Variants in VEGFC observed in about 807,000 individuals in gnomAD.
VEGFC encodes the protein vascular endothelial growth factor C.
VEGFC carries 12 observed loss-of-function variants against 46.1 expected under a neutral mutation model. The ratio of observed to expected loss-of-function variants is 0.26; its 90% CI spans 0.17 to 0.42. VEGFC has a LOEUF of 0.42. VEGFC is among the 10% of genes least tolerant of loss of function. VEGFC has a pLI of 1.00. For synonymous variants in VEGFC, 232 were observed against 195.5 expected, an observed-to-expected ratio of 1.19 and a Z score of -1.56; for missense variants, 488 against 529.4, an observed-to-expected ratio of 0.92 and a Z score of 0.77.
chr4:176,780,387 A>AAAAAAAAAAAC (rs56322393), intron 1 of VEGFC, among the ~76,000 whole-genome samples: 6,783 of 114,568 alleles, frequency 0.059, 933 homozygotes, highest in African/African-American at 0.2. Flanking sequence ...ATCTCAAAAA[A>AAAAAAAAAAAC]AAAAAAAAAA....
chr4:176,756,126 C>T (rs1451990416), intron 1 of VEGFC, among the ~76,000 whole-genome samples: 1 of 151,836 alleles, frequency 6.6e-6, no homozygotes, highest in Non-Finnish European at 1.5e-5. Context: ...GGCTTATCTC[C>T]CACATTCATG....
At chr4:176,730,391 G>A (rs368505943) in intron 1 of VEGFC, among the ~76,000 whole-genome samples, 5 of 152,036 alleles carry the variant, frequency 3.3e-5, no homozygotes, top group African/African-American at 1.2e-4. Flanking sequence ...GCATACATAA[G>A]TATACTCATT....
chr4:176,715,781 AAAT>A (rs1734689597), intron 3 of VEGFC, among the ~76,000 whole-genome samples: 1 of 152,160 alleles, frequency 6.6e-6, no homozygotes, highest in African/African-American at 2.4e-5. Flanking sequence ...TGAACTGAAA[AAAT>A]AATAATTAGA....
At chr4:176,725,649 C>T (rs938582523) in intron 3 of VEGFC, among the ~76,000 whole-genome samples, 9 of 152,064 alleles carry the variant, frequency 5.9e-5, no homozygotes. Flanking sequence ...GGAATATAAT[C>T]TAGAATACAT....
At chr4:176,715,229 A>G (rs1734678130) in intron 3 of VEGFC, among the ~76,000 whole-genome samples, 1 of 152,158 alleles carries the variant, frequency 6.6e-6, no homozygotes, top group Non-Finnish European at 1.5e-5. Context: ...GAATTCAGTT[A>G]ATTTTGTCAA....
intron 1 of VEGFC, among the ~76,000 whole-genome samples, chr4:176,743,201 C>T (rs1366754547): frequency 1.3e-5 from 2 of 151,928 alleles, no homozygotes; most frequent in Admixed American, 6.6e-5. Flanking sequence ...TTCTTGTGTC[C>T]TGTGATAGGC....
chr4:176,747,474 T>C (rs1161531751), intron 1 of VEGFC, among the ~76,000 whole-genome samples: 1 of 152,012 alleles, frequency 6.6e-6, no homozygotes, highest in African/African-American at 2.4e-5. Flanking sequence ...AAGATTAGGC[T>C]TCTTAAGTGC....
rs1168573253 is a variant in VEGFC, at chr4:176,777,504, C to G, written c.147+14661G>C. On this transcript the variant is annotated intron_variant, in intron 1 of 6. Transcript: ENST00000618562. ...GGAATCTTATAGAATTGGAATTTTACTGAATCTTATAGAACTGTTTTCCTC... is the reference window on the plus strand; with the variant it reads ...GGAATCTTATAGAATTGGAATTTTAGTGAATCTTATAGAACTGTTTTCCTC... Among the ~76,000 whole-genome samples the G allele has an allele frequency of 4.6e-5, 7 of 152,262 alleles. No individual in the cohort carries two copies. In the East Asian group the frequency reaches 1.4e-3, roughly 29 times the overall value.
chr4:176,750,650 A>G (rs2110894034), intron 1 of VEGFC, among the ~76,000 whole-genome samples: 1 of 151,896 alleles, frequency 6.6e-6, no homozygotes, highest in Non-Finnish European at 1.5e-5. Context: ...TCTAACATAA[A>G]TTTAACAAGT....
Position 176,792,140 on chromosome 4 carries a change from T to TCCG in VEGFC, c.147+22_147+24dup, listed in dbSNP as rs1265316386. The TCCG allele has an allele frequency of 1.4e-6, 2 of 1,440,086 alleles. No individual in the cohort carries two copies. The highest frequency in any genetic ancestry group is 3.0e-5 in the African/African-American group (2 of 67,098). The allele number at this position is 1,440,086 out of a possible 1,614,324, so 89.2% of individuals were successfully genotyped here. On this transcript the variant is annotated intron_variant, in intron 1 of 6. Transcript: ENST00000618562. This position sits in a 1 kb window ranked among gnomAD's most constrained non-coding sequence, Gnocchi z 6.3. Reference sequence around the variant, plus strand: ...GACCCTAACGCAAACTCTCGGGTTCTCCGCAAACCCTAACGCAGACCTACC... The same window carrying TCCG: ...GACCCTAACGCAAACTCTCGGGTTCTCCGCCGCAAACCCTAACGCAGACCTACC...
chr4:176,784,779 AGAT>A (rs1735974381), intron 1 of VEGFC, among the ~76,000 whole-genome samples: 2 of 100,288 alleles, frequency 2.0e-5, no homozygotes, highest in African/African-American at 3.0e-5. Context: ...AAAAAAAAAA[AGAT>A]AAAGTAACTA....
chr4:176,767,090 G>C (rs75176297), intron 1 of VEGFC, among the ~76,000 whole-genome samples: 3,947 of 127,748 alleles, frequency 0.031, 203 homozygotes, highest in African/African-American at 0.11. Context: ...AAAAAGCCTG[G>C]CAACCAAATC....
intron 3 of VEGFC, among the ~76,000 whole-genome samples, chr4:176,725,010 G>C (rs1007128838): frequency 6.6e-6 from 1 of 152,060 alleles, no homozygotes; most frequent in African/African-American, 2.4e-5. Flanking sequence ...AGTACATCAG[G>C]GAAATTGGAG....
At chr4:176,739,969 TCGAA>T (rs1735128772) in intron 1 of VEGFC, among the ~76,000 whole-genome samples, 1 of 20,526 alleles carries the variant, frequency 4.9e-5, no homozygotes, top group Non-Finnish European at 2.7e-4. Flanking sequence ...ATTCGATATA[TCGAA>T]TATATATAAC....
intron 3 of VEGFC, among the ~76,000 whole-genome samples, chr4:176,725,558 G>C (rs933810520): frequency 4.6e-5 from 7 of 152,162 alleles, no homozygotes; most frequent in African/African-American, 1.4e-4. Flanking sequence ...AGGAAGAGCA[G>C]AGAGAAGGTT....
At position 176,791,144 on chromosome 4, in the gene VEGFC, CAAATT is replaced by C. The variant is rs1191636401; in HGVS notation, c.147+1016_147+1020del. Among the ~76,000 whole-genome samples the C allele has an allele frequency of 2.0e-5, 3 of 152,086 alleles. No individual in the cohort carries two copies. In the East Asian group the frequency reaches 5.8e-4, roughly 29 times the overall value. Reference sequence around the variant, plus strand: ...CATTGTGTATGTGTTAATCAACAGTCAAATTAAAGTTGACTGTAACACACCACAGG... The same window carrying C: ...CATTGTGTATGTGTTAATCAACAGTCAAAGTTGACTGTAACACACCACAGG... On this transcript the variant is annotated intron_variant, in intron 1 of 6. Transcript: ENST00000618562.
intron 1 of VEGFC, among the ~76,000 whole-genome samples, chr4:176,762,123 T>G (rs1735541041): frequency 6.6e-6 from 1 of 152,214 alleles, no homozygotes; most frequent in Admixed American, 6.5e-5. Flanking sequence ...ACATGAGGCC[T>G]GAAACTCACC....
chr4:176,693,755 C>A (rs1734254762), intron 4 of VEGFC, among the ~76,000 whole-genome samples: 3 of 136,800 alleles, frequency 2.2e-5, no homozygotes, highest in Admixed American at 2.1e-4. Flanking sequence ...CAAAGGGAAG[C>A]CCATCAGACT....
At chr4:176,701,450 A>G (rs1165461652) in intron 4 of VEGFC, among the ~76,000 whole-genome samples, 1 of 152,186 alleles carries the variant, frequency 6.6e-6, no homozygotes. Context: ...TCAGCTGTAT[A>G]TATTTTGCTG....
Sources: allele counts gnomAD v4.1 joint callset (sites outside exome capture counted in the v4.1 genomes callset), GRCh38; gene constraint gnomAD v4.1.1; non-coding constraint Gnocchi (gnomAD v3.1); transcripts MANE v1.5; gene names NCBI Gene and HGNC (gene_info 2026-07-23, HGNC 2026-07-21).